The following MYO6 variants were observed in gnomAD, a reference collection of about 807,000 sequenced individuals.
MYO6 encodes the protein myosin VI.
MYO6 carries 74 observed loss-of-function variants against 178.7 expected under a neutral mutation model. That is an observed-to-expected ratio of 0.41 (90% CI 0.34 to 0.50). The LOEUF is 0.50. Among genes scored for constraint, MYO6 ranks in the 20% least tolerant of loss-of-function variants. The pLI, the probability that MYO6 is intolerant of heterozygous loss-of-function variation, is 0.09. For missense variants in MYO6, 1,330 were observed against 1,547.4 expected (o/e 0.86, Z 2.36); for synonymous variants, 477 against 504.6 (o/e 0.95, Z 0.73).
At chr6:75,778,821 C>T (rs1766656927) in intron 1 of MYO6, among the ~76,000 whole-genome samples, 2 of 151,514 alleles carry the variant, frequency 1.3e-5, no homozygotes, top group African/African-American at 4.9e-5. Flanking sequence ...TTTTGAGAGG[C>T]TGAGACAGGA....
chr6:75,908,901 A>G (rs1264821771), intron 32 of MYO6, among the ~76,000 whole-genome samples: 7 of 152,190 alleles, frequency 4.6e-5, no homozygotes, highest in African/African-American at 1.7e-4. Flanking sequence ...TAATTTTCAC[A>G]CACACAAACA....
intron 10 of MYO6, among the ~76,000 whole-genome samples, chr6:75,846,473 T>G (rs1774737279): frequency 6.6e-6 from 1 of 152,168 alleles, no homozygotes; most frequent in South Asian, 2.1e-4. Context: ...TTTAAAATTC[T>G]AAGCAGACAA....
chr6:75,825,038 C>T (rs183001630), intron 3 of MYO6, among the ~76,000 whole-genome samples: 257 of 152,200 alleles, frequency 1.7e-3, no homozygotes, highest in Non-Finnish European at 3.0e-3. Context: ...GGATTATAGG[C>T]GTAAGCCACT....
chr6:75,755,591 A>G (rs912342721), intron 1 of MYO6, among the ~76,000 whole-genome samples: 1 of 152,208 alleles, frequency 6.6e-6, no homozygotes, highest in Non-Finnish European at 1.5e-5. Flanking sequence ...TAAAAAAAGG[A>G]AGGAGAAAAA....
At chr6:75,804,533 C>T (rs989888110) in intron 1 of MYO6, among the ~76,000 whole-genome samples, 1 of 151,980 alleles carries the variant, frequency 6.6e-6, no homozygotes, top group Non-Finnish European at 1.5e-5. Flanking sequence ...AATTTAAGAT[C>T]CCTGAGGGCA....
chr6:75,872,688 A>G (rs1777246971), intron 19 of MYO6, among the ~76,000 whole-genome samples: 1 of 152,244 alleles, frequency 6.6e-6, no homozygotes, highest in South Asian at 2.1e-4. Context: ...TTTGACATTC[A>G]AATCTAAAAT....
chr6:75,828,010 C>G (rs1772652295), intron 3 of MYO6, among the ~76,000 whole-genome samples: 2 of 152,162 alleles, frequency 1.3e-5, no homozygotes, highest in Non-Finnish European at 2.9e-5. Flanking sequence ...TTTATCTGTT[C>G]AAACTCTCCC....
intron 19 of MYO6, among the ~76,000 whole-genome samples, chr6:75,872,785 G>GT (rs201325735): frequency 0.25 from 36,426 of 145,054 alleles, 5,642 homozygotes; most frequent in Middle Eastern, 0.4. Context: ...AAAATTTTGA[G>GT]TTTTTTTTTT....
chr6:75,761,592 A>AACAC (rs3057486), intron 1 of MYO6, among the ~76,000 whole-genome samples: 15,605 of 142,942 alleles, frequency 0.11, 1,460 homozygotes, highest in East Asian at 0.29. Flanking sequence ...GGGCTGTTAG[A>AACAC]ACACACACAC....
intron 18 of MYO6, among the ~76,000 whole-genome samples, chr6:75,868,875 T>G (rs2149317295): frequency 6.6e-6 from 1 of 152,226 alleles, no homozygotes; most frequent in South Asian, 2.1e-4. Context: ...TCATCCTTTT[T>G]GATGGAAACA....
At chr6:75,757,398 TACAC>T (rs201924951) in intron 1 of MYO6, among the ~76,000 whole-genome samples, 2 of 149,218 alleles carry the variant, frequency 1.3e-5, no homozygotes, top group Non-Finnish European at 3.0e-5. Context: ...CACATATATA[TACAC>T]ACACACACAT....
intron 11 of MYO6, among the ~76,000 whole-genome samples, chr6:75,853,198 CAA>C: frequency 6.6e-6 from 1 of 152,074 alleles, no homozygotes. Context: ...TTTTTATTAC[CAA>C]GTTGTAAGAG....
At chr6:75,878,038 A>G (rs1777704572) in intron 20 of MYO6, among the ~76,000 whole-genome samples, 1 of 152,192 alleles carries the variant, frequency 6.6e-6, no homozygotes, top group Non-Finnish European at 1.5e-5. Flanking sequence ...AGCAAAGCCT[A>G]GAGCTAAATC....
intron 2 of MYO6, among the ~76,000 whole-genome samples, chr6:75,821,227 C>T (rs1032557787): frequency 2.6e-5 from 4 of 152,146 alleles, no homozygotes; most frequent in Non-Finnish European, 4.4e-5. Context: ...CATCTAACTT[C>T]TTGGAACCTT....
intron 6 of MYO6, 26 bp downstream of exon 6, chr6:75,832,973 T>C (rs764402938): frequency 6.7e-7 from 1 of 1,484,374 alleles, no homozygotes; most frequent in Non-Finnish European, 9.4e-7. Context: ...ACTTGAAGTA[T>C]TTGAGTAGGT....
At chr6:75,848,107 A>T (rs1469712364) in intron 10 of MYO6, among the ~76,000 whole-genome samples, 2 of 152,168 alleles carry the variant, frequency 1.3e-5, no homozygotes, top group African/African-American at 4.8e-5. Context: ...TAATTTCATT[A>T]TTTTAATTGA....
At chr6:75,752,830 A>G (rs907340711) in intron 1 of MYO6, among the ~76,000 whole-genome samples, 10 of 152,184 alleles carry the variant, frequency 6.6e-5, no homozygotes, top group African/African-American at 2.4e-4. Flanking sequence ...AAACATATGT[A>G]TGTGTTTAAC....
At chr6:75,764,726 A>G (rs151307129) in intron 1 of MYO6, among the ~76,000 whole-genome samples, 73 of 152,284 alleles carry the variant, frequency 4.8e-4, no homozygotes, top group African/African-American at 1.7e-3. Context: ...TTAGAAATTT[A>G]AAAATGATTT....
chr6:75,841,776 CT>C (rs1180701971), intron 9 of MYO6, among the ~76,000 whole-genome samples: 1 of 152,126 alleles, frequency 6.6e-6, no homozygotes, highest in African/African-American at 2.4e-5. Context: ...TTGAAATCTA[CT>C]TGTTGTGTGT....
Sources: gnomAD v4.1 joint callset for allele counts (sites outside exome capture counted in the v4.1 genomes callset) on GRCh38, gnomAD v4.1.1 for gene constraint, MANE v1.5 for transcripts, NCBI Gene and HGNC (gene_info 2026-07-23, HGNC 2026-07-21) for gene names.